The following ADGRL1 variants were observed in gnomAD, a reference collection of about 807,000 sequenced individuals.
ADGRL1 encodes CIRL-1.
Under a neutral mutation model 148.9 loss-of-function variants are expected in ADGRL1, and 31 were observed. The observed-to-expected ratio is 0.21, with a 90% CI of 0.16 to 0.28. The LOEUF (loss-of-function observed/expected upper bound fraction) is 0.28. Ranked by LOEUF, ADGRL1 falls within the 10% of genes least tolerant of loss-of-function variation. The pLI is 1.00. For synonymous variants in ADGRL1, 937 were observed against 900.3 expected (o/e 1.04, Z -0.73); for missense variants, 1,521 against 2,058.8 (o/e 0.74, Z 5.05).
chr19:14,186,321 G>T (rs1489617672), intron 1 of ADGRL1, among the ~76,000 whole-genome samples: 1 of 152,206 alleles, frequency 6.6e-6, no homozygotes, highest in Non-Finnish European at 1.5e-5. Context: ...ACATCCCAAA[G>T]TGCTGGGATT....
Position 14,155,676 on chromosome 19 carries a change from G to A in ADGRL1, c.3126-149C>T. The A allele has an allele frequency of 1.4e-6, 1 of 723,944 alleles. No individual in the cohort carries two copies. The highest frequency in any genetic ancestry group is 2.2e-6 in the Non-Finnish European group (1 of 446,144). The allele number at this position is 723,944 out of a possible 1,614,324, so 44.8% of individuals were successfully genotyped here. A position where few individuals can be genotyped will look rare whatever the true frequency, so the allele number is the denominator to read the frequency against. On this transcript the variant is annotated intron_variant, in intron 17 of 22. Transcript: ENST00000361434. This position sits in a 1 kb window ranked among gnomAD's most constrained non-coding sequence, Gnocchi z 5.0. Reference sequence around the variant, plus strand: ...GCGGGCCGAGTGGGCCTTGGGGGCAGTGGCCTGCCCAGGACACCTCCACCG... The same window carrying A: ...GCGGGCCGAGTGGGCCTTGGGGGCAATGGCCTGCCCAGGACACCTCCACCG...
At position 14,162,673 on chromosome 19, in the gene ADGRL1, C is replaced by T. The variant is rs766449564; in HGVS notation, c.1128G>A (p.Leu376=). 2 of 1,614,054 alleles carry T rather than the reference C, an allele frequency of 1.2e-6. No individual in the cohort carries two copies. Among genetic ancestry groups the T allele is most frequent in the East Asian group, 4.5e-5 (2 of 44,862 alleles). ...SVDYNPRDNQ[L]YVWNNYFVVR... ...CCACGAAATAGTTGTTCCAGACGTA[C>T]AGCTGGTTGTCGCGAGGGTTGTAGT... The change falls in exon 5 of 23, where the codon CTG becomes CTA. Residue 376 remains leucine (L), a synonymous_variant. Transcript: ENST00000361434. This position sits in a 1 kb window ranked among gnomAD's most constrained non-coding sequence, Gnocchi z 5.4.
chr19:14,174,484 C>A (rs986336268), intron 3 of ADGRL1, among the ~76,000 whole-genome samples: 1 of 151,986 alleles, frequency 6.6e-6, no homozygotes, highest in Non-Finnish European at 1.5e-5. Context: ...GCCCAAACCT[C>A]TCCTGCTCTC....
rs777402408 is a variant in ADGRL1 at position 14,157,171 on chromosome 19, G to A, written c.2746-26C>T. 2.5e-6 allele frequency: 4 copies of A among 1,613,258 alleles called. No individual in the cohort carries two copies. In the Admixed American group the frequency reaches 6.7e-5, roughly 27 times the overall value. On this transcript the variant is annotated intron_variant, in intron 14 of 22. Coordinates refer to ENST00000361434, the MANE Select transcript of ADGRL1 (RefSeq NM_014921.5). This position sits in a 1 kb window ranked among gnomAD's most constrained non-coding sequence, Gnocchi z 7.5. ...CTGCGGGGAGCACTGAGGGTGAGGG[G>A]CTGCTGCCTGGACAGGTGTCCCCCT...
intron 1 of ADGRL1, among the ~76,000 whole-genome samples, chr19:14,184,172 C>G (rs1173300218): frequency 6.6e-6 from 1 of 152,226 alleles, no homozygotes; most frequent in African/African-American, 2.4e-5. Flanking sequence ...TGCTTCCTGT[C>G]TCTCAAGCTC....
At chr19:14,191,305 C>T (rs765302991) in intron 1 of ADGRL1, 4 of 456,560 alleles carry the variant, frequency 8.8e-6, no homozygotes, top group South Asian at 3.1e-5. Flanking sequence ...CTGCAGTCAC[C>T]GCCTGCCTGT....
chr19:14,171,005 G>A, intron 3 of ADGRL1: 1 of 516,252 alleles, frequency 1.9e-6, no homozygotes, highest in Non-Finnish European at 3.5e-6. Context: ...CTGGTGGGAG[G>A]TGATTGGATC....
chr19:14,163,221 C>A lies in ADGRL1; in HGVS notation c.580G>T (p.Ala194Ser). Residue 194 changes from alanine (A) to serine (S), a missense_variant, in exon 5 of 23, where the codon GCC (alanine) becomes TCC (serine). Ala to Ser is a moderately conservative substitution (Grantham distance 99). Coordinates refer to ENST00000361434, the MANE Select transcript of ADGRL1 (RefSeq NM_014921.5). The stretch of plus-strand genomic sequence containing the variant: ...AGGCGGTAGGTGGTGGTGTGGCGGG[C>A]GGCCACGTAGTCCTCCCACGAGGCA... Reference protein sequence around the residue: ...EYASWEDYVAARHTTTYRLPN... With the variant: ...EYASWEDYVASRHTTTYRLPN... 6.2e-7 allele frequency: 1 copy of A among 1,607,816 alleles called. No homozygotes were observed. Among genetic ancestry groups the A allele is most frequent in the Non-Finnish European group, 8.5e-7 (1 of 1,178,730 alleles).
At chr19:14,158,994 C>A in intron 11 of ADGRL1, 96 bp downstream of exon 11, 4 of 1,468,628 alleles carry the variant, frequency 2.7e-6, no homozygotes, top group Non-Finnish European at 3.7e-6. Flanking sequence ...AGGTCAGCAC[C>A]GCTGCCCTCT....
intron 4 of ADGRL1, among the ~76,000 whole-genome samples, chr19:14,165,585 C>T (rs1969877113): frequency 6.6e-6 from 1 of 151,920 alleles, no homozygotes; most frequent in Non-Finnish European, 1.5e-5. Context: ...CCCGTCACCC[C>T]ACCCGCCCTG....
chr19:14,149,701 TG>T lies in ADGRL1; in HGVS notation c.*1171del, dbSNP rs1429348775. The T allele has an allele frequency of 5.3e-5, 4 of 76,030 alleles. No homozygotes were observed. Among genetic ancestry groups the T allele is most frequent in the Non-Finnish European group, 8.4e-5 (3 of 35,846 alleles). The allele number at this position is 76,030 out of a possible 1,614,324, so 4.7% of individuals were successfully genotyped here. A position where few individuals can be genotyped will look rare whatever the true frequency, so the allele number is the denominator to read the frequency against. ...GGAAAGGAGGGTGCCAGGAAGGAAA[TG>T]GGTTCTTTGTTTCGCTGTTGCATCT... On this transcript the variant is annotated 3_prime_UTR_variant, in exon 23 of 23. Transcript: ENST00000361434.
chr19:14,191,730 C>G (rs1174993762), intron 1 of ADGRL1, among the ~76,000 whole-genome samples: 1 of 150,340 alleles, frequency 6.7e-6, no homozygotes, highest in Non-Finnish European at 1.5e-5. Flanking sequence ...AGGTCTGGCT[C>G]TCTTGCTCAG....
intron 4 of ADGRL1, among the ~76,000 whole-genome samples, chr19:14,167,692 A>G (rs1490580204): frequency 6.6e-6 from 1 of 151,908 alleles, no homozygotes; most frequent in Non-Finnish European, 1.5e-5. Flanking sequence ...AGCCAGACAC[A>G]GAACGACAGG....
chr19:14,191,160 C>T (rs540564290), intron 1 of ADGRL1: 50 of 456,700 alleles, frequency 1.1e-4, no homozygotes, highest in South Asian at 7.7e-4. Flanking sequence ...ACCTCTGACT[C>T]CCGCCTTGTC....
Position 14,161,648 on chromosome 19 carries a change from G to A in ADGRL1, c.1196-22C>T. 4 of 1,378,818 alleles carry A rather than the reference G, an allele frequency of 2.9e-6. No individual in the cohort carries two copies. The South Asian group carries it at 6.9e-5, about 24-fold the overall frequency. The allele number at this position is 1,378,818 out of a possible 1,614,324, so 85.4% of individuals were successfully genotyped here. On this transcript the variant is annotated intron_variant, in intron 5 of 22. Coordinates refer to ENST00000361434, the MANE Select transcript of ADGRL1 (RefSeq NM_014921.5). The surrounding 1 kb of genome is among the most constrained non-coding windows in gnomAD (Gnocchi z 4.4). ...GGGCCTGGAGAGGGGATACGAGACA[G>A]GGTCATCCCCATGCTCAGGGCCATG...
intron 3 of ADGRL1, among the ~76,000 whole-genome samples, chr19:14,174,811 C>G (rs986001546): frequency 6.7e-6 from 1 of 148,532 alleles, no homozygotes; most frequent in African/African-American, 2.5e-5. Context: ...GCTGGGATTA[C>G]AGGCGTGAAA....
chr19:14,188,436 AC>A (rs1424667233), intron 1 of ADGRL1, among the ~76,000 whole-genome samples: 2 of 151,328 alleles, frequency 1.3e-5, no homozygotes, highest in African/African-American at 4.9e-5. Context: ...TCCAGAGTGG[AC>A]CCCCCAGAGC....
intron 1 of ADGRL1, 43 bp from the exon 2 acceptor site, chr19:14,183,740 G>C: frequency 2.8e-6 from 2 of 723,338 alleles, no homozygotes; most frequent in African/African-American, 1.8e-5. Flanking sequence ...AGGGCCTCCA[G>C]GCCGCTCCCC....
Position 14,151,417 on chromosome 19 carries a change from C to A in ADGRL1, c.3866G>T (p.Arg1289Leu). 1 of 1,612,386 alleles carries A rather than the reference C, an allele frequency of 6.2e-7. No individual in the cohort carries two copies. The highest frequency in any genetic ancestry group is 8.5e-7 in the Non-Finnish European group (1 of 1,179,638). ...IISELVHNNL[R>L]GSSSAAKGPP... ...GCCCTTGGCCGCGCTGCTGCTCCCC[C>A]GCAGGTTGTTGTGCACCAGCTCTGA... is the stretch of plus-strand genomic sequence containing the variant. The change falls in exon 23 of 23, where the codon CGG becomes CTG. Residue 1289 changes from arginine to leucine, a missense_variant. Arg to Leu is a moderately radical substitution (Grantham distance 102). Around this residue, in one of 8 missense-constraint regions of ADGRL1, gnomAD observed 390 missense variants for 375.0 expected, o/e 1.04. Transcript: ENST00000361434.
Sources: gnomAD v4.1 joint callset for allele counts (sites outside exome capture counted in the v4.1 genomes callset) on GRCh38, gnomAD v4.1.1 for gene constraint, gnomAD v4.1.1 regional missense constraint, Gnocchi (gnomAD v3.1) non-coding constraint, MANE v1.5 for transcripts, NCBI Gene and HGNC (gene_info 2026-07-23, HGNC 2026-07-21) for gene names.